Variants in UNC13B observed in about 807,000 individuals in gnomAD.
UNC13B encodes the protein protein unc-13 homolog B.
In UNC13B, 144 loss-of-function variants were observed where a neutral mutation model predicts 211.0. The observed-to-expected ratio is 0.68, with a 90% confidence interval of 0.60 to 0.78. The LOEUF is 0.78. Ranked by LOEUF, UNC13B falls within the 30% of genes least tolerant of loss-of-function variation. The pLI is 0.00. For synonymous variants in UNC13B, 709 were observed against 725.8 expected (o/e 0.98, Z 0.37); for missense variants, 1,777 against 2,002.0 (o/e 0.89, Z 2.14).
Position 35,228,056 on chromosome 9 carries a change from T to C in UNC13B, c.52+12T>C, listed in dbSNP as rs1824959847. The C allele has an allele frequency of 6.2e-7, 1 of 1,609,894 alleles. No individual in the cohort carries two copies. Among genetic ancestry groups the C allele is most frequent in the Non-Finnish European group, 8.5e-7 (1 of 1,178,188 alleles). Reference sequence around the variant, plus strand: ...CCAGGGTTCACCAGGTAAGGCCAGCTTTCTATTATGTCTTTTCCTCTTGTA... The same window carrying C: ...CCAGGGTTCACCAGGTAAGGCCAGCCTTCTATTATGTCTTTTCCTCTTGTA... On this transcript the variant is annotated intron_variant, in intron 2 of 39. Coordinates refer to ENST00000635942, the MANE Select transcript of UNC13B (RefSeq NM_001371189.2).
At chr9:35,201,402 A>G (rs1352854452) in intron 1 of UNC13B, among the ~76,000 whole-genome samples, 1 of 152,148 alleles carries the variant, frequency 6.6e-6, no homozygotes, top group Non-Finnish European at 1.5e-5. Context: ...ATAGTTTCAG[A>G]AGGAATGGTA....
intron 5 of UNC13B, among the ~76,000 whole-genome samples, chr9:35,241,551 A>G (rs1229761786): frequency 8.6e-6 from 1 of 115,926 alleles, no homozygotes; most frequent in Non-Finnish European, 1.8e-5. Flanking sequence ...CAGTTTCTGA[A>G]TATAAGCACA....
chr9:35,355,236 G>C (rs1400657105), intron 11 of UNC13B, among the ~76,000 whole-genome samples: 1 of 152,200 alleles, frequency 6.6e-6, no homozygotes, highest in Non-Finnish European at 1.5e-5. Flanking sequence ...TATATGTATA[G>C]ATTATCTAAT....
chr9:35,252,773 AC>A (rs1826582685), intron 6 of UNC13B, among the ~76,000 whole-genome samples: 1 of 152,012 alleles, frequency 6.6e-6, no homozygotes, highest in South Asian at 2.1e-4. Context: ...TACTAAAAAT[AC>A]AAAAAATTAG....
chr9:35,311,443 AC>A (rs571568757), intron 10 of UNC13B, among the ~76,000 whole-genome samples: 44 of 152,254 alleles, frequency 2.9e-4, no homozygotes, highest in African/African-American at 1.0e-3. Flanking sequence ...TGACTTCCTA[AC>A]CTATTAAGAA....
intron 8 of UNC13B, among the ~76,000 whole-genome samples, chr9:35,299,001 G>A (rs1388873368): frequency 6.6e-6 from 1 of 152,138 alleles, no homozygotes; most frequent in Non-Finnish European, 1.5e-5. Flanking sequence ...GAGGCTGAGG[G>A]CGGGTGGATC....
intron 6 of UNC13B, among the ~76,000 whole-genome samples, chr9:35,256,649 T>A (rs1826896446): frequency 6.6e-6 from 1 of 152,226 alleles, no homozygotes; most frequent in South Asian, 2.1e-4. Context: ...TTTTCAGATA[T>A]TGAACTGGCC....
chr9:35,389,749 G>T (rs1197379607), intron 24 of UNC13B, 97 bp from the exon 25 acceptor site: 3 of 1,337,780 alleles, frequency 2.2e-6, no homozygotes, highest in East Asian at 2.3e-5. Flanking sequence ...AGAGGAAGAG[G>T]TATAGGAAGG....
intron 15 of UNC13B, among the ~76,000 whole-genome samples, 175 bp downstream of exon 15, chr9:35,376,422 A>G (rs896119836): frequency 8.5e-5 from 13 of 152,222 alleles, no homozygotes; most frequent in East Asian, 5.8e-4. Flanking sequence ...GCCTTTCCAA[A>G]TAACAGGTCT....
In UNC13B at chr9:35,381,111, G is replaced by A; in HGVS notation, c.10387G>A (p.Asp3463Asn). 1 of 1,614,076 alleles carries A rather than the reference G, an allele frequency of 6.2e-7. No individual in the cohort carries two copies. ...DVWYNLEKRT[D>N]KSAVSGAIRL... ...TCTTTCCTTCCTAGAGAAGAGGACA[G>A]ACAAATCAGCCGTCTCAGGGGCTAT... is the stretch of plus-strand genomic sequence containing the variant. Residue 3463 changes from aspartate (D) to asparagine (N), a missense_variant, in exon 19 of 40, where the codon GAC becomes AAC. Coordinates refer to ENST00000635942, the MANE Select transcript of UNC13B (RefSeq NM_001371189.2).
intron 8 of UNC13B, among the ~76,000 whole-genome samples, chr9:35,296,584 G>T (rs959110681): frequency 2.0e-5 from 3 of 151,766 alleles, no homozygotes; most frequent in Non-Finnish European, 4.4e-5. Context: ...ACATACATAT[G>T]TGCTCTCCCC....
chr9:35,360,624 C>T (rs1413552717), intron 11 of UNC13B: 2 of 152,170 alleles, frequency 1.3e-5, no homozygotes, highest in African/African-American at 4.8e-5. Flanking sequence ...GCCTAGTGTG[C>T]ACATTAGGTT....
chr9:35,195,235 C>T (rs1049132608), intron 1 of UNC13B, among the ~76,000 whole-genome samples: 9 of 152,166 alleles, frequency 5.9e-5, no homozygotes, highest in African/African-American at 2.2e-4. Flanking sequence ...ATTTTACAGG[C>T]TGCTCTTTGT....
chr9:35,344,092 G>A (rs1328309705), intron 11 of UNC13B, among the ~76,000 whole-genome samples: 1 of 152,054 alleles, frequency 6.6e-6, no homozygotes, highest in African/African-American at 2.4e-5. Context: ...ACAAGGATCA[G>A]GGCAGCTTTT....
intron 7 of UNC13B, among the ~76,000 whole-genome samples, chr9:35,294,533 T>C (rs1806152238): frequency 6.6e-6 from 1 of 152,378 alleles, no homozygotes; most frequent in Non-Finnish European, 1.5e-5. Context: ...CTTGAACTCC[T>C]GACCTCAGGT....
Position 35,404,138 on chromosome 9 carries a change from A to T in UNC13B, c.*105A>T, listed in dbSNP as rs1468982131. 7.0e-7 allele frequency: 1 copy of T among 1,424,498 alleles called. No individual in the cohort carries two copies. Among genetic ancestry groups the T allele is most frequent in the Non-Finnish European group, 9.3e-7 (1 of 1,073,406 alleles). 88.2% of individuals were successfully genotyped at this position (1,424,498 alleles called of 1,614,324 possible). A position where few individuals can be genotyped will look rare whatever the true frequency, so the allele number is the denominator to read the frequency against. ...TAGGGTCTTTGCAGTCAAGAGGCTG[A>T]CCCCTTCAGTTAAAGATATTTAAGG... On this transcript the variant is annotated 3_prime_UTR_variant, in exon 40 of 40. Coordinates refer to ENST00000635942, the MANE Select transcript of UNC13B (RefSeq NM_001371189.2).
intron 11 of UNC13B, among the ~76,000 whole-genome samples, chr9:35,326,889 G>C (rs762534686): frequency 6.6e-6 from 1 of 152,066 alleles, no homozygotes; most frequent in Admixed American, 6.5e-5. Flanking sequence ...CAAATCCTCC[G>C]CTCATTTTTA....
At chr9:35,294,529 C>T (rs1292563308) in intron 7 of UNC13B, among the ~76,000 whole-genome samples, 2 of 152,220 alleles carry the variant, frequency 1.3e-5, no homozygotes, top group African/African-American at 4.8e-5. Flanking sequence ...TGGTCTTGAA[C>T]TCCTGACCTC....
intron 1 of UNC13B, among the ~76,000 whole-genome samples, chr9:35,205,096 A>G (rs567142863): frequency 2.6e-5 from 4 of 152,190 alleles, no homozygotes; most frequent in African/African-American, 9.6e-5. Flanking sequence ...CTGGTTATTT[A>G]AAAGTGTATA....
Sources: gnomAD v4.1 joint callset for allele counts (sites outside exome capture counted in the v4.1 genomes callset) on GRCh38, gnomAD v4.1.1 for gene constraint, MANE v1.5 for transcripts, NCBI Gene and HGNC (gene_info 2026-07-23, HGNC 2026-07-21) for gene names.